Variants in TRIP4 observed in about 807,000 individuals in gnomAD.
The protein encoded by TRIP4 is activating signal cointegrator 1.
TRIP4 carries 54 observed loss-of-function variants against 81.8 expected under a neutral mutation model. The observed-to-expected ratio is 0.66, with a 90% CI of 0.53 to 0.83. The LOEUF is 0.83. TRIP4 is among the 40% of genes least tolerant of loss of function. The pLI, the probability that TRIP4 is intolerant of heterozygous loss-of-function variation, is 0.00. For synonymous variants in TRIP4, 270 were observed against 242.8 expected (o/e 1.11, Z -1.04); for missense variants, 662 against 683.6 (o/e 0.97, Z 0.35).
intron 1 of TRIP4, among the ~76,000 whole-genome samples, chr15:64,389,155 G>C (rs1170503818): frequency 6.6e-6 from 1 of 152,182 alleles, no homozygotes; most frequent in Non-Finnish European, 1.5e-5. Context: ...TCAGGCAGGG[G>C]AGAAAACTAC....
intron 12 of TRIP4, among the ~76,000 whole-genome samples, chr15:64,454,128 G>GT (rs1892832222): frequency 2.1e-5 from 3 of 143,206 alleles, no homozygotes; most frequent in Non-Finnish European, 1.5e-5. Context: ...TTTTTTTTTT[G>GT]TTTTCTTTTT....
At chr15:64,411,289 G>A (rs774062275) in intron 7 of TRIP4, among the ~76,000 whole-genome samples, 2 of 152,094 alleles carry the variant, frequency 1.3e-5, no homozygotes, top group Admixed American at 6.6e-5. Flanking sequence ...AGGAGTGAAC[G>A]CTAATGTAAA....
intron 5 of TRIP4, among the ~76,000 whole-genome samples, chr15:64,404,232 G>A (rs1251444531): frequency 2.0e-5 from 3 of 151,926 alleles, no homozygotes; most frequent in Non-Finnish European, 4.4e-5. Context: ...TATTAGCATT[G>A]TACCCAGAAT....
intron 6 of TRIP4, among the ~76,000 whole-genome samples, chr15:64,408,630 T>C (rs563374096): frequency 1.3e-5 from 2 of 152,274 alleles, no homozygotes; most frequent in East Asian, 3.9e-4. Context: ...ACTTCAGTAT[T>C]TCCCTTATGT....
At chr15:64,454,133 CTTTTT>C (rs879675137) in intron 12 of TRIP4, among the ~76,000 whole-genome samples, 5 of 134,502 alleles carry the variant, frequency 3.7e-5, no homozygotes, top group African/African-American at 5.5e-5. Context: ...TTTTTGTTTT[CTTTTT>C]TTTTTTTAGT....
chr15:64,388,566 C>T (rs768062411), intron 1 of TRIP4, among the ~76,000 whole-genome samples: 16 of 152,182 alleles, frequency 1.1e-4, no homozygotes, highest in Admixed American at 3.3e-4. Context: ...GCCTCGACCT[C>T]CCAAAGTGCT....
chr15:64,432,448 A>G (rs1003012158), intron 11 of TRIP4, among the ~76,000 whole-genome samples: 2 of 150,890 alleles, frequency 1.3e-5, no homozygotes, highest in Non-Finnish European at 2.9e-5. Context: ...CATCTCTACT[A>G]AAAATACAAA....
rs763395178 is a variant in TRIP4, at chr15:64,424,013, A to T, written c.1359-18A>T. 3 of 1,612,640 alleles carry T rather than the reference A, an allele frequency of 1.9e-6. No homozygotes were observed. In the Admixed American group the frequency reaches 5.0e-5, roughly 27 times the overall value. On this transcript the variant is annotated intron_variant, in intron 9 of 12. Coordinates refer to ENST00000261884, the MANE Select transcript of TRIP4 (RefSeq NM_016213.5). The stretch of plus-strand genomic sequence containing the variant: ...ACTAGAATTTATATCCTTCCCACTA[A>T]ATTTCTATTTGTTTAAGGGTGGAGG...
chr15:64,407,290 C>A (rs950159118), intron 6 of TRIP4, among the ~76,000 whole-genome samples: 2 of 152,104 alleles, frequency 1.3e-5, no homozygotes, highest in Non-Finnish European at 2.9e-5. Flanking sequence ...CTTAAATAAA[C>A]CCATCACAAG....
intron 9 of TRIP4, among the ~76,000 whole-genome samples, chr15:64,421,362 G>T (rs1300852675): frequency 1.3e-5 from 2 of 149,186 alleles, no homozygotes; most frequent in African/African-American, 2.5e-5. Context: ...TTTAAGACAG[G>T]ATCTCGCTCT....
chr15:64,421,218 G>A (rs1397108000), intron 9 of TRIP4, among the ~76,000 whole-genome samples: 1 of 150,966 alleles, frequency 6.6e-6, no homozygotes, highest in Non-Finnish European at 1.5e-5. Flanking sequence ...GGAGGTGGAG[G>A]TTGCAGTGAG....
At chr15:64,404,862 T>C (rs1158274252) in intron 5 of TRIP4, among the ~76,000 whole-genome samples, 2 of 151,928 alleles carry the variant, frequency 1.3e-5, no homozygotes, top group African/African-American at 4.8e-5. Context: ...ATTTTTAAAT[T>C]GTTTGTACAG....
chr15:64,424,249 T>A lies in TRIP4; in HGVS notation c.1483+94T>A, dbSNP rs556617424. On this transcript the variant is annotated intron_variant, in intron 10 of 12. Coordinates refer to ENST00000261884, the MANE Select transcript of TRIP4 (RefSeq NM_016213.5). ...ACTTCCTTCTTTCTTTGGCTTTTTC[T>A]TTGTTAAAAGAGACTTTTAATCTTT... 44 of 1,553,938 alleles carry A rather than the reference T, an allele frequency of 2.8e-5. No homozygotes were observed. The South Asian group carries it at 5.0e-4, about 18-fold the overall frequency.
chr15:64,393,151 A>ATTT (rs947519077), intron 1 of TRIP4, among the ~76,000 whole-genome samples: 4 of 130,706 alleles, frequency 3.1e-5, no homozygotes, highest in Admixed American at 7.7e-5. Flanking sequence ...TTGTATGTTA[A>ATTT]TTTTTTTTTT....
Position 64,430,498 on chromosome 15 carries a change from A to T in TRIP4, c.1575+4867A>T, listed in dbSNP as rs576677231. Among the ~76,000 whole-genome samples the T allele has an allele frequency of 1.3e-3, 197 of 152,326 alleles. 3 individuals are homozygous for T. In the South Asian group the frequency reaches 0.02, roughly 15 times the overall value. ...TTGTAACCTCAATAGTAAGGCAGTT[A>T]AAACTTTTTTTTTTTAACAAAGACA... On this transcript the variant is annotated intron_variant, in intron 11 of 12. Transcript: ENST00000261884.
chr15:64,450,164 C>T (rs1169036349), intron 12 of TRIP4, among the ~76,000 whole-genome samples: 1 of 151,718 alleles, frequency 6.6e-6, no homozygotes, highest in Admixed American at 6.6e-5. Flanking sequence ...GAGGCCGAGG[C>T]GGATCACAAG....
At position 64,432,868 on chromosome 15, in the gene TRIP4, G is replaced by A. The variant is rs143078149; in HGVS notation, c.1575+7237G>A. ...GGAGGTTGTAGTGAGCCAAGATTGC[G>A]CCACTGTACTCCAGCCTGGGCAACA... On this transcript the variant is annotated intron_variant, in intron 11 of 12. Coordinates refer to ENST00000261884, the MANE Select transcript of TRIP4 (RefSeq NM_016213.5). Among the ~76,000 whole-genome samples, 1,038 of 151,986 alleles carry A rather than the reference G, an allele frequency of 6.8e-3. 14 individuals are homozygous for A. Among genetic ancestry groups the A allele is most frequent in the African/African-American group, 0.024 (992 of 41,430 alleles).
At chr15:64,431,848 T>TATATTA (rs879733141) in intron 11 of TRIP4, among the ~76,000 whole-genome samples, 1 of 8,276 alleles carries the variant, frequency 1.2e-4, no homozygotes, top group Admixed American at 4.7e-3. Context: ...TATATATATA[T>TATATTA]TTTTTTTATC....
chr15:64,414,248 T>G (rs1297574894), intron 8 of TRIP4, 37 bp downstream of exon 8: 4 of 1,609,252 alleles, frequency 2.5e-6, no homozygotes, highest in Non-Finnish European at 3.4e-6. Context: ...AATAAGAAGT[T>G]TGGCCCCAAT....
Sources: allele counts gnomAD v4.1 joint callset (sites outside exome capture counted in the v4.1 genomes callset), GRCh38; gene constraint gnomAD v4.1.1; transcripts MANE v1.5; gene names NCBI Gene and HGNC (gene_info 2026-07-23, HGNC 2026-07-21).